Variants in TRMT1 observed in about 807,000 individuals in gnomAD.
TRMT1 encodes the protein tRNA methyltransferase 1.
In TRMT1, 63 loss-of-function variants were observed where a neutral mutation model predicts 75.4. That is an observed-to-expected ratio of 0.84 (90% CI 0.68 to 1.03). The LOEUF is 1.03. Among genes scored for constraint, TRMT1 ranks in the 50% least tolerant of loss-of-function variants. The pLI is 0.00. For missense variants in TRMT1, 870 were observed against 905.3 expected (o/e 0.96, Z 0.50); for synonymous variants, 382 against 358.1 (o/e 1.07, Z -0.75).
At chr19:13,116,597 C>T (rs993370714) in intron 1 of TRMT1, 56 bp downstream of exon 1, 1 of 726,654 alleles carries the variant, frequency 1.4e-6, no homozygotes, top group Non-Finnish European at 2.2e-6. Flanking sequence ...CCGATGCCCT[C>T]GTGCAGGCCC....
At position 13,105,500 on chromosome 19, in the gene TRMT1, G is replaced by C; in HGVS notation, c.1690C>G (p.Arg564Gly). 6 of 1,614,026 alleles carry C rather than the reference G, an allele frequency of 3.7e-6. No individual in the cohort carries two copies. Among genetic ancestry groups the C allele is most frequent in the Non-Finnish European group, 5.1e-6 (6 of 1,180,020 alleles). The change falls in exon 15 of 17, where the codon CGT becomes GGT. Residue 564 changes from arginine (R) to glycine (G), a missense_variant. Transcript: ENST00000357720. ...ACCACCACTCACCCTGGCCGGGCAC[G>C]AGGCCGGGGACCCCAGTTGGCCTCC... ...NPEANWGPRP[R>G]ARPGGKAADE...
intron 14 of TRMT1, among the ~76,000 whole-genome samples, chr19:13,106,872 G>T (rs2018896360): frequency 6.6e-6 from 1 of 150,614 alleles, no homozygotes; most frequent in Non-Finnish European, 1.5e-5. Flanking sequence ...ACCCAGGCTG[G>T]AGTGCAGTGG....
intron 12 of TRMT1, among the ~76,000 whole-genome samples, chr19:13,109,142 G>A (rs1292495249): frequency 1.3e-5 from 2 of 151,328 alleles, no homozygotes; most frequent in East Asian, 3.9e-4. Flanking sequence ...GTATATGTAT[G>A]TGTGTGTACA....
Position 13,109,661 on chromosome 19 carries a change from C to T in TRMT1, c.1200G>A (p.Glu400=), listed in dbSNP as rs2019052093. 1 of 1,613,926 alleles carries T rather than the reference C, an allele frequency of 6.2e-7. No homozygotes were observed. Among genetic ancestry groups the T allele is most frequent in the Non-Finnish European group, 8.5e-7 (1 of 1,180,034 alleles). The change falls in exon 11 of 17, where the codon GAG becomes GAA. Residue 400 remains glutamate, a synonymous_variant. Coordinates refer to ENST00000357720, the MANE Select transcript of TRMT1 (RefSeq NM_001136035.4). ...RHQLGGPMWA[E]PIHDLDFVGR... is the part of the protein sequence containing the mutation. ...CCACAAAATCCAGGTCATGGATGGG[C>T]TCTGCCCACATGGGGCCACCAAGCT...
chr19:13,112,529 G>A (rs962803370), intron 7 of TRMT1, among the ~76,000 whole-genome samples, 176 bp downstream of exon 7: 3 of 152,238 alleles, frequency 2.0e-5, no homozygotes, highest in African/African-American at 7.2e-5. Context: ...TATCAGCCAT[G>A]CTCTTAGGAA....
At chr19:13,107,926 C>T (rs766414383) in intron 12 of TRMT1, 67 bp from the exon 13 acceptor site, 20 of 1,336,184 alleles carry the variant, frequency 1.5e-5, no homozygotes, top group African/African-American at 1.3e-4. Context: ...AGCTGACCAG[C>T]GTAGGTAAGA....
chr19:13,111,902 T>C (rs950911108), intron 7 of TRMT1, among the ~76,000 whole-genome samples: 3 of 150,352 alleles, frequency 2.0e-5, no homozygotes, highest in Non-Finnish European at 3.0e-5. Context: ...GATTTCACCA[T>C]GTTAGCCAGG....
chr19:13,112,887 C>T lies in TRMT1; in HGVS notation c.757+9G>A. On this transcript the variant is annotated intron_variant, in intron 6 of 16. Transcript: ENST00000357720. The stretch of plus-strand genomic sequence containing the variant: ...CCCTGCTCCCACCCCAGTGCCATCC[C>T]CACCTCACCTCCTTCACTCACAGCC... 6.2e-7 allele frequency: 1 copy of T among 1,612,764 alleles called. No individual in the cohort carries two copies. Among genetic ancestry groups the T allele is most frequent in the South Asian group, 1.1e-5 (1 of 90,852 alleles).
intron 7 of TRMT1, 103 bp from the exon 8 acceptor site, chr19:13,110,409 G>A: frequency 1.5e-6 from 2 of 1,352,350 alleles, no homozygotes; most frequent in Non-Finnish European, 2.0e-6. Context: ...CAGCTCCCTG[G>A]GATCCAAGCC....
At chr19:13,107,985 C>CTTT (rs71168652) in intron 12 of TRMT1, 126 bp from the exon 13 acceptor site, 708 of 331,294 alleles carry the variant, frequency 2.1e-3, no homozygotes, top group South Asian at 3.3e-3. Flanking sequence ...CTTTTCTTTT[C>CTTT]TTTTTTTTTT....
intron 5 of TRMT1, among the ~76,000 whole-genome samples, chr19:13,114,228 T>TA (rs1233526843): frequency 3.9e-5 from 6 of 152,194 alleles, no homozygotes; most frequent in African/African-American, 9.6e-5. Context: ...GGGCCATTGA[T>TA]AAACTAGGCT....
chr19:13,106,729 T>C (rs1161734083), intron 14 of TRMT1, among the ~76,000 whole-genome samples: 4 of 151,576 alleles, frequency 2.6e-5, no homozygotes, highest in Admixed American at 2.0e-4. Flanking sequence ...TCAGGTGATC[T>C]GCCTGTCTTG....
chr19:13,114,754 T>C (rs897708317), intron 5 of TRMT1, among the ~76,000 whole-genome samples: 3 of 152,138 alleles, frequency 2.0e-5, no homozygotes, highest in Admixed American at 6.5e-5. Context: ...GGCAGGGGAA[T>C]GGCTTGAACC....
chr19:13,105,030 G>C lies in TRMT1; in HGVS notation c.1885C>G (p.Pro629Ala). ...QCCYSHSPPT[P>A]RVSADAAPDC... Reference sequence around the variant, plus strand: ...GGGGCAGCATCAGCAGAAACCCTGGGTGTCGGGGGGCTGTGGGAGTAGCAG... The same window carrying C: ...GGGGCAGCATCAGCAGAAACCCTGGCTGTCGGGGGGCTGTGGGAGTAGCAG... Residue 629 changes from proline to alanine, a missense_variant, in exon 17 of 17, where the codon CCC becomes GCC. Transcript: ENST00000357720. The C allele has an allele frequency of 5.6e-6, 9 of 1,610,924 alleles. No individual in the cohort carries two copies. The highest frequency in any genetic ancestry group is 6.8e-6 in the Non-Finnish European group (8 of 1,178,194).
At chr19:13,107,440 C>T (rs1427322278) in intron 14 of TRMT1, 134 bp downstream of exon 14, 9 of 1,119,190 alleles carry the variant, frequency 8.0e-6, no homozygotes, top group Non-Finnish European at 1.2e-5. Context: ...TACCCAGCCC[C>T]AGTCAGCAGA....
intron 14 of TRMT1, 50 bp from the exon 15 acceptor site, chr19:13,105,656 G>A: frequency 6.4e-7 from 1 of 1,562,248 alleles, no homozygotes; most frequent in Non-Finnish European, 8.7e-7. Flanking sequence ...TGCCACACGA[G>A]TGTGTCCCCA....
At chr19:13,114,700 G>GCGT (rs2019269196) in intron 5 of TRMT1, among the ~76,000 whole-genome samples, 1 of 151,862 alleles carries the variant, frequency 6.6e-6, no homozygotes, top group Non-Finnish European at 1.5e-5. Flanking sequence ...AATTAGCCAG[G>GCGT]CGTGGTGGCA....
At chr19:13,113,244 C>T (rs899840721) in intron 5 of TRMT1, among the ~76,000 whole-genome samples, 1 of 151,876 alleles carries the variant, frequency 6.6e-6, no homozygotes, top group African/African-American at 2.4e-5. Flanking sequence ...CTGCAACCTC[C>T]GCTTCCCCAG....
In TRMT1 at chr19:13,104,938, G is replaced by A; in HGVS notation, c.1977C>T (p.Asp659=). 6.2e-7 allele frequency: 1 copy of A among 1,613,988 alleles called. No individual in the cohort carries two copies. The highest frequency in any genetic ancestry group is 8.5e-7 in the Non-Finnish European group (1 of 1,179,938). ...GPGAAAGPGI[D] The stretch of plus-strand genomic sequence containing the variant: ...GACGTGACATCTCTTTATTGGTTCA[G>A]TCTATGCCTGGCCCAGCGGCAGCCC... Residue 659 remains aspartate, a synonymous_variant, in exon 17 of 17, where the codon GAC becomes GAT. Coordinates refer to ENST00000357720, the MANE Select transcript of TRMT1 (RefSeq NM_001136035.4).
Sources: allele counts gnomAD v4.1 joint callset (sites outside exome capture counted in the v4.1 genomes callset), GRCh38; gene constraint gnomAD v4.1.1; transcripts MANE v1.5; gene names NCBI Gene and HGNC (gene_info 2026-07-23, HGNC 2026-07-21).